TXLNG: variants seen among roughly 807,000 people sequenced by gnomAD.
TXLNG encodes taxilin gamma.
A neutral mutation model predicts 38.8 loss-of-function variants in TXLNG; 5 were observed. The ratio of observed to expected loss-of-function variants is 0.13; its 90% CI spans 0.07 to 0.27. The LOEUF (loss-of-function observed/expected upper bound fraction) is 0.27, where lower values mean the gene tolerates loss of function less well. TXLNG is among the 10% of genes least tolerant of loss of function. The probability of loss-of-function intolerance (pLI) is 1.00; values close to 1 mark genes in which losing one functional copy is unlikely to be tolerated. For synonymous variants in TXLNG, 182 were observed against 158.2 expected (o/e 1.15, Z -1.13); for missense variants, 393 against 398.2 (o/e 0.99, Z 0.11).
chrX:16,828,011 T>G, intron 3 of TXLNG, 83 bp from the exon 4 acceptor site: 2 of 921,600 alleles, frequency 2.2e-6, no homozygotes, highest in Non-Finnish European at 2.9e-6. Context: ...TGAAAATGTG[T>G]TCCATAGCTC....
chrX:16,814,483 C>T (rs1340889741), intron 1 of TXLNG, among the ~76,000 whole-genome samples: 1 of 111,611 alleles, frequency 9.0e-6, no homozygotes, highest in Non-Finnish European at 1.9e-5. Context: ...GGCATGGTTG[C>T]GGGTGCCCGT....
At chrX:16,801,950 CTTTTTTTTTTT>C (rs56071399) in intron 1 of TXLNG, among the ~76,000 whole-genome samples, 5 of 45,260 alleles carry the variant, frequency 1.1e-4, no homozygotes, top group Non-Finnish European at 2.0e-4. Context: ...TTCTTTCTTT[CTTTTTTTTTTT>C]TTTTTTTTTT....
intron 1 of TXLNG, among the ~76,000 whole-genome samples, chrX:16,794,205 C>G (rs1054151471): frequency 1.8e-5 from 2 of 111,679 alleles, no homozygotes; most frequent in African/African-American, 3.3e-5. Flanking sequence ...GTTAACATTT[C>G]CTCAGATAGT....
intron 9 of TXLNG, among the ~76,000 whole-genome samples, chrX:16,841,173 A>G (rs1185821252): frequency 3.6e-5 from 4 of 110,121 alleles, no homozygotes; most frequent in Admixed American, 9.7e-5. Flanking sequence ...CCAGCCTGGC[A>G]ACAGAGCAAG....
intron 8 of TXLNG, among the ~76,000 whole-genome samples, chrX:16,838,448 A>T (rs905328466): frequency 8.9e-6 from 1 of 112,037 alleles, no homozygotes; most frequent in African/African-American, 3.2e-5. Context: ...CCCTGGGTTA[A>T]TGTCCCAGTT....
At chrX:16,823,189 T>C (rs768414918) in intron 3 of TXLNG, among the ~76,000 whole-genome samples, 17 of 111,194 alleles carry the variant, frequency 1.5e-4, no homozygotes, top group African/African-American at 4.2e-4. Flanking sequence ...AAGGTAGATA[T>C]AGGCCGGGCG....
intron 2 of TXLNG, 67 bp downstream of exon 2, chrX:16,818,944 A>G: frequency 9.1e-7 from 1 of 1,097,535 alleles, no homozygotes; most frequent in Non-Finnish European, 1.2e-6. Context: ...TCTGCAGCCC[A>G]GATAATTTTG....
chrX:16,806,381 A>G (rs1569264213), intron 1 of TXLNG, among the ~76,000 whole-genome samples: 2 of 112,662 alleles, frequency 1.8e-5, no homozygotes, highest in African/African-American at 6.4e-5. Flanking sequence ...ATGGTTGCAC[A>G]TACACTGTTG....
chrX:16,822,730 TGACA>T (rs1227046634), intron 3 of TXLNG, among the ~76,000 whole-genome samples: 2 of 112,079 alleles, frequency 1.8e-5, no homozygotes, highest in Non-Finnish European at 3.8e-5. Context: ...GATGTGACAA[TGACA>T]GACAGCCATG....
At chrX:16,831,873 C>G (rs984292928) in intron 5 of TXLNG, among the ~76,000 whole-genome samples, 6 of 112,210 alleles carry the variant, frequency 5.3e-5, no homozygotes, top group African/African-American at 1.9e-4. Flanking sequence ...ATTTTCCCCT[C>G]TCATGTAGGG....
chrX:16,810,846 A>G (rs1253397879), intron 1 of TXLNG, among the ~76,000 whole-genome samples: 1 of 110,609 alleles, frequency 9.0e-6, no homozygotes, highest in Non-Finnish European at 1.9e-5. Flanking sequence ...ATGCCCAGCT[A>G]ATTTTTGTAT....
intron 1 of TXLNG, among the ~76,000 whole-genome samples, chrX:16,802,974 C>T (rs1928169552): frequency 9.1e-6 from 1 of 109,496 alleles, no homozygotes; most frequent in African/African-American, 3.3e-5. Flanking sequence ...TACCTGCCAC[C>T]ATGCCTGGCT....
rs918018214 is a variant in TXLNG at position 16,841,732 on chromosome X, C to T, written c.1553C>T (p.Thr518Ile). The T allele has an allele frequency of 1.7e-6, 2 of 1,211,751 alleles. No homozygotes were observed. The stretch of plus-strand genomic sequence containing the variant: ...AGCGCTGTGCAAAAGCCCCCGTCCA[C>T]AGGCTCTGCTCCGGCCATCGAGTCG... Reference protein sequence around the residue: ...QRSAVQKPPSTGSAPAIESVD With the variant: ...QRSAVQKPPSIGSAPAIESVD Residue 518 changes from threonine (T) to isoleucine (I), a missense_variant, in exon 10 of 10, where the codon ACA (threonine) becomes ATA (isoleucine). Coordinates refer to ENST00000380122, the MANE Select transcript of TXLNG (RefSeq NM_018360.3).
chrX:16,789,696 A>T (rs1487179056), intron 1 of TXLNG, among the ~76,000 whole-genome samples: 1 of 107,940 alleles, frequency 9.3e-6, no homozygotes, highest in African/African-American at 3.4e-5. Context: ...TTAAAAAAAA[A>T]TTAATAGACT....
rs1236821462 is a variant in TXLNG at position 16,842,542 on chromosome X, T to C, written c.*776T>C. The C allele has an allele frequency of 8.9e-6, 1 of 111,812 alleles. No individual in the cohort carries two copies. The highest frequency in any genetic ancestry group is 1.9e-5 in the Non-Finnish European group (1 of 53,171). 9.2% of individuals were successfully genotyped at this position (111,812 alleles called of 1,213,427 possible). On this transcript the variant is annotated 3_prime_UTR_variant, in exon 10 of 10. Transcript: ENST00000380122. ...TTCTGATTTGGGATTTCAGTACATATTCTCCACTTCCCATAGAAGGCCACT... is the reference window on the plus strand; with the variant it reads ...TTCTGATTTGGGATTTCAGTACATACTCTCCACTTCCCATAGAAGGCCACT...
At chrX:16,790,338 TC>T (rs1194486533) in intron 1 of TXLNG, among the ~76,000 whole-genome samples, 2 of 110,742 alleles carry the variant, frequency 1.8e-5, no homozygotes, top group Non-Finnish European at 3.8e-5. Context: ...CTCTCTCCCT[TC>T]CCCTAGACTA....
intron 3 of TXLNG, among the ~76,000 whole-genome samples, chrX:16,825,171 T>C (rs1929124377): frequency 8.9e-6 from 1 of 111,897 alleles, no homozygotes; most frequent in Non-Finnish European, 1.9e-5. Flanking sequence ...ACCTGATAAG[T>C]GATTAGGGAA....
chrX:16,792,413 C>T (rs1233998796), intron 1 of TXLNG, among the ~76,000 whole-genome samples: 1 of 108,537 alleles, frequency 9.2e-6, no homozygotes, highest in African/African-American at 3.3e-5. Flanking sequence ...CTGCTGCCCT[C>T]CCCCTAATTC....
intron 8 of TXLNG, among the ~76,000 whole-genome samples, chrX:16,838,449 T>C (rs1018763494): frequency 1.8e-5 from 2 of 112,169 alleles, no homozygotes; most frequent in Admixed American, 9.5e-5. Flanking sequence ...CCTGGGTTAA[T>C]GTCCCAGTTG....
Sources: allele counts gnomAD v4.1 joint callset (sites outside exome capture counted in the v4.1 genomes callset), GRCh38; gene constraint gnomAD v4.1.1; transcripts MANE v1.5; gene names NCBI Gene and HGNC (gene_info 2026-07-23, HGNC 2026-07-21).